CELF2: variants seen among roughly 807,000 people sequenced by gnomAD.
CELF2 encodes the protein CUG triplet repeat RNA-binding protein 2.
CELF2 carries 8 observed loss-of-function variants against 62.6 expected under a neutral mutation model. The ratio of observed to expected loss-of-function variants is 0.13; its 90% CI spans 0.07 to 0.23. The LOEUF (loss-of-function observed/expected upper bound fraction) is 0.23. CELF2 is among the 10% of genes least tolerant of loss of function. CELF2 has a pLI of 1.00. For missense variants in CELF2, 333 were observed against 671.0 expected (o/e 0.50, Z 5.56); for synonymous variants, 258 against 250.0 (o/e 1.03, Z -0.30).
At position 11,260,905 on chromosome 10, in the gene CELF2, AT is replaced by A. The variant is rs2080340082; in HGVS notation, c.538+3035del. ...GCTACCATTTTGCTTTCATTAAAGA[AT>A]TGCAGTTTTGAATCAAATATTAATG... On this transcript the variant is annotated intron_variant, in intron 5 of 12. Transcript: ENST00000633077. The surrounding 1 kb of genome is among the most constrained non-coding windows in gnomAD (Gnocchi z 4.2). Among the ~76,000 whole-genome samples the A allele has an allele frequency of 6.6e-6, 1 of 152,212 alleles. No homozygotes were observed.
chr10:11,204,332 T>A (rs1030476682), intron 2 of CELF2, among the ~76,000 whole-genome samples: 7 of 152,344 alleles, frequency 4.6e-5, no homozygotes, highest in African/African-American at 1.7e-4. Context: ...TAGAAGTAAC[T>A]ATACCAGAGT....
chr10:10,705,690 A>C, the CELF2 span, among the ~76,000 whole-genome samples: 1 of 152,218 alleles, frequency 6.6e-6, no homozygotes. Flanking sequence ...AGCTGCTAAA[A>C]TCACAATGGA....
At chr10:10,896,604 C>G (rs1260245508) in intron 1 of CELF2, among the ~76,000 whole-genome samples, 1 of 151,952 alleles carries the variant, frequency 6.6e-6, no homozygotes, top group Non-Finnish European at 1.5e-5. Flanking sequence ...CAGAAAAGGA[C>G]AGGTGACAAC....
At chr10:11,256,157 C>T in intron 4 of CELF2, among the ~76,000 whole-genome samples, 1 of 152,264 alleles carries the variant, frequency 6.6e-6, no homozygotes, top group Middle Eastern at 3.2e-3. Flanking sequence ...ATGGAGCAAT[C>T]ATGTGTGGCT....
chr10:10,656,421 T>C, the CELF2 span, among the ~76,000 whole-genome samples: 93 of 133,514 alleles, frequency 7.0e-4, no homozygotes, highest in Non-Finnish European at 1.3e-3. Flanking sequence ...CACATGCACA[T>C]GTATGTTTAT....
the CELF2 span, among the ~76,000 whole-genome samples, chr10:10,622,049 A>C: frequency 6.6e-6 from 1 of 152,192 alleles, no homozygotes; most frequent in African/African-American, 2.4e-5. Context: ...ACTTTGTCAA[A>C]CCTGTGTGGG....
At chr10:10,523,311 T>C in the CELF2 span, among the ~76,000 whole-genome samples, 2 of 152,216 alleles carry the variant, frequency 1.3e-5, no homozygotes, top group African/African-American at 4.8e-5. Context: ...TATCTTTCAA[T>C]AGATATTGGG....
intron 1 of CELF2, among the ~76,000 whole-genome samples, chr10:11,058,486 T>G (rs11256961): frequency 1.0e-4 from 13 of 127,476 alleles, no homozygotes; most frequent in African/African-American, 3.3e-4. Flanking sequence ...TTTTTTTTTG[T>G]GATGGAGTCT....
At position 11,227,829 on chromosome 10, in the gene CELF2, C is replaced by T. The variant is rs559010849; in HGVS notation, c.354+10322C>T. On this transcript the variant is annotated intron_variant, in intron 3 of 12. Coordinates refer to ENST00000633077, the MANE Select transcript of CELF2 (RefSeq NM_001326342.2). This position sits in a 1 kb window ranked among gnomAD's most constrained non-coding sequence, Gnocchi z 4.8. ...ACCGAGTGAGAGCAAAGGATAGGCT[C>T]CTGCAAACTCATCTCCTCTCCTGGA... Among the ~76,000 whole-genome samples the T allele has an allele frequency of 7.0e-4, 106 of 152,228 alleles. 2 individuals are homozygous for T. The highest frequency in any genetic ancestry group is 6.9e-3 in the Admixed American group (106 of 15,278).
the CELF2 span, among the ~76,000 whole-genome samples, chr10:10,558,363 C>A: frequency 4.6e-5 from 7 of 151,448 alleles, no homozygotes; most frequent in African/African-American, 1.7e-4. Flanking sequence ...ATTGAACCAG[C>A]CTTGCATCCC....
chr10:10,773,642 A>G, the CELF2 span, among the ~76,000 whole-genome samples: 1 of 152,226 alleles, frequency 6.6e-6, no homozygotes, highest in African/African-American at 2.4e-5. Flanking sequence ...GCTGTATGTT[A>G]GAATTACCTG....
chr10:11,234,580 G>A (rs1332278560), intron 3 of CELF2, among the ~76,000 whole-genome samples: 1 of 117,822 alleles, frequency 8.5e-6, no homozygotes, highest in South Asian at 3.3e-4. Context: ...TAATCGGGAG[G>A]TTGAGGCAGG....
chr10:10,743,714 T>C, the CELF2 span, among the ~76,000 whole-genome samples: 1 of 152,226 alleles, frequency 6.6e-6, no homozygotes, highest in Non-Finnish European at 1.5e-5. Context: ...ATCTTCATAG[T>C]GGTTGCTATG....
At chr10:10,482,036 G>A in the CELF2 span, among the ~76,000 whole-genome samples, 1 of 152,212 alleles carries the variant, frequency 6.6e-6, no homozygotes, top group Non-Finnish European at 1.5e-5. Context: ...CAGATATAAG[G>A]GTTAGCATGA....
At position 11,315,516 on chromosome 10, in the gene CELF2, A is replaced by C. The variant is rs12413097; in HGVS notation, c.1096+1258A>C. Among the ~76,000 whole-genome samples, 339 of 152,340 alleles carry C rather than the reference A, an allele frequency of 2.2e-3. 9 individuals are homozygous for C. The highest frequency in any genetic ancestry group is 0.02 in the Admixed American group (311 of 15,298). The stretch of plus-strand genomic sequence containing the variant: ...GAACCTAAAATTTATCCAAATAAAA[A>C]TTAACTTGTATAATCCTGATAAATC... On this transcript the variant is annotated intron_variant, in intron 10 of 12. Coordinates refer to ENST00000633077, the MANE Select transcript of CELF2 (RefSeq NM_001326342.2). This position sits in a 1 kb window ranked among gnomAD's most constrained non-coding sequence, Gnocchi z 5.8.
intron 8 of CELF2, among the ~76,000 whole-genome samples, chr10:11,284,697 G>C (rs2090552711): frequency 6.6e-6 from 1 of 151,286 alleles, no homozygotes; most frequent in Non-Finnish European, 1.5e-5. Flanking sequence ...ATGGATGAGT[G>C]GATGATGGAT....
At chr10:10,951,559 C>T (rs1337833487) in intron 2 of CELF2, among the ~76,000 whole-genome samples, 1 of 152,212 alleles carries the variant, frequency 6.6e-6, no homozygotes, top group African/African-American at 2.4e-5. Context: ...CTGAGGATGG[C>T]TCCATGCCAT....
rs2056795745 is a variant in CELF2 at position 11,117,440 on chromosome 10, C to T, written c.75-48046C>T. Among the ~76,000 whole-genome samples the T allele has an allele frequency of 6.6e-6, 1 of 152,192 alleles. No homozygotes were observed. The highest frequency in any genetic ancestry group is 1.5e-5 in the Non-Finnish European group (1 of 68,040). ...CAGTGGCTCTCCAGGAATGAAGATG[C>T]TCAAGGAGGCCTTGCTGTCTACCTG... On this transcript the variant is annotated intron_variant, in intron 1 of 12. Transcript: ENST00000633077. This position sits in a 1 kb window ranked among gnomAD's most constrained non-coding sequence, Gnocchi z 4.1.
chr10:10,714,427 A>G, the CELF2 span, among the ~76,000 whole-genome samples: 1 of 152,210 alleles, frequency 6.6e-6, no homozygotes, highest in African/African-American at 2.4e-5. Context: ...CTAGCCATCA[A>G]GAATTAGGGA....
Sources: gnomAD v4.1 joint callset for allele counts (sites outside exome capture counted in the v4.1 genomes callset) on GRCh38, gnomAD v4.1.1 for gene constraint, Gnocchi (gnomAD v3.1) non-coding constraint, MANE v1.5 for transcripts, NCBI Gene and HGNC (gene_info 2026-07-23, HGNC 2026-07-21) for gene names.